The following ERBB4 variants were observed in gnomAD, a reference collection of about 807,000 sequenced individuals.
ERBB4 encodes receptor tyrosine-protein kinase erbB-4.
In ERBB4, 42 loss-of-function variants were observed where a neutral mutation model predicts 158.0. The ratio of observed to expected loss-of-function variants is 0.27; its 90% CI spans 0.21 to 0.34. The LOEUF is 0.34. ERBB4 is among the 10% of genes least tolerant of loss of function. ERBB4 has a pLI of 1.00. For synonymous variants in ERBB4, 583 were observed against 558.7 expected, an observed-to-expected ratio of 1.04 and a Z score of -0.61; for missense variants, 1,333 against 1,624.1, an observed-to-expected ratio of 0.82 and a Z score of 3.08.
At chr2:212,154,395 A>T (rs2080970106) in intron 1 of ERBB4, among the ~76,000 whole-genome samples, 1 of 151,756 alleles carries the variant, frequency 6.6e-6, no homozygotes, top group Admixed American at 6.6e-5. Context: ...GCACACACAC[A>T]CTGGGGAGGT....
In ERBB4 at chr2:211,657,767, G is replaced by A. The variant is rs2105899844; in HGVS notation, c.1933C>T (p.Pro645Ser). The change falls in exon 16 of 28, where the codon CCA (proline) becomes TCA (serine). Residue 645 changes from proline (P) to serine (S), a missense_variant. Coordinates refer to ENST00000342788, the MANE Select transcript of ERBB4 (RefSeq NM_005235.3). ...GGTAGATGTTACCTAGCATGTTGTG[G>A]TAAAGTGGAATGGCCCGTCCATGGG... ...YYPWTGHSTLPQHARTPLIAA... is the reference protein window; with the variant it reads ...YYPWTGHSTLSQHARTPLIAA... 6.2e-7 allele frequency: 1 copy of A among 1,613,444 alleles called. No individual in the cohort carries two copies. The highest frequency in any genetic ancestry group is 8.5e-7 in the Non-Finnish European group (1 of 1,179,410).
intron 3 of ERBB4, among the ~76,000 whole-genome samples, chr2:211,888,682 G>A (rs1390821552): frequency 6.6e-6 from 1 of 152,046 alleles, no homozygotes; most frequent in African/African-American, 2.4e-5. Flanking sequence ...GCGCAGGCCA[G>A]TGGGTGCGCG....
chr2:211,666,765 A>T (rs943979059), intron 14 of ERBB4, among the ~76,000 whole-genome samples: 1 of 152,118 alleles, frequency 6.6e-6, no homozygotes, highest in African/African-American at 2.4e-5. Context: ...TCTTCCCCTG[A>T]CCCATTTCTC....
chr2:211,793,213 C>T (rs918242089), intron 3 of ERBB4, among the ~76,000 whole-genome samples: 1 of 151,712 alleles, frequency 6.6e-6, no homozygotes, highest in African/African-American at 2.4e-5. Context: ...TCACTTTAGT[C>T]TATATGATCG....
chr2:212,440,583 A>G (rs2092233344), intron 1 of ERBB4, among the ~76,000 whole-genome samples: 2 of 152,182 alleles, frequency 1.3e-5, no homozygotes, highest in Middle Eastern at 3.2e-3. Flanking sequence ...GGAGGAACAG[A>G]ATATTAAGGA....
chr2:211,955,133 C>T (rs956777870), intron 2 of ERBB4, among the ~76,000 whole-genome samples: 2 of 152,056 alleles, frequency 1.3e-5, no homozygotes, highest in Admixed American at 1.3e-4. Flanking sequence ...TGAAATAATA[C>T]TCAAGAGGTA....
At chr2:211,551,457 T>C (rs1277523373) in intron 20 of ERBB4, among the ~76,000 whole-genome samples, 1 of 152,220 alleles carries the variant, frequency 6.6e-6, no homozygotes, top group Non-Finnish European at 1.5e-5. Context: ...TTAATATTTA[T>C]CTTTTATCGT....
Position 211,712,255 on chromosome 2 carries a change from TAGC to T in ERBB4, c.998-82_998-80del, listed in dbSNP as rs1484366242. 1.6e-5 allele frequency: 22 copies of T among 1,353,562 alleles called. No individual in the cohort carries two copies. In the African/African-American group the frequency reaches 2.5e-4, roughly 15 times the overall value. The allele number at this position is 1,353,562 out of a possible 1,614,324, so 83.8% of individuals were successfully genotyped here. A position where few individuals can be genotyped will look rare whatever the true frequency, so the allele number is the denominator to read the frequency against. On this transcript the variant is annotated intron_variant, in intron 8 of 27. Transcript: ENST00000342788. ...AAATCATTGCATCTTCATTATAAAA[TAGC>T]AGAGTATTTTTAATTGTAACATATA...
At chr2:211,625,221 T>C (rs778878264) in intron 17 of ERBB4, among the ~76,000 whole-genome samples, 34 of 152,212 alleles carry the variant, frequency 2.2e-4, no homozygotes, top group Non-Finnish European at 3.7e-4. Context: ...ATTAAGGAAC[T>C]AAACTTTACA....
chr2:211,583,111 T>C (rs1360288777), intron 19 of ERBB4, among the ~76,000 whole-genome samples: 3 of 152,134 alleles, frequency 2.0e-5, no homozygotes, highest in African/African-American at 7.2e-5. Context: ...CTACAGATCT[T>C]CTGGTTAAAA....
At chr2:211,401,174 CCA>C (rs1371108879) in intron 25 of ERBB4, among the ~76,000 whole-genome samples, 1 of 151,770 alleles carries the variant, frequency 6.6e-6, no homozygotes, top group Non-Finnish European at 1.5e-5. Flanking sequence ...CACCACTTAG[CCA>C]CAGAAAGGTG....
intron 20 of ERBB4, among the ~76,000 whole-genome samples, chr2:211,541,405 T>A (rs762369787): frequency 6.6e-5 from 10 of 152,016 alleles, no homozygotes; most frequent in Non-Finnish European, 1.5e-4. Context: ...TTAATAGTAC[T>A]ATTTGTTTCA....
chr2:212,401,164 T>C (rs191485882), intron 1 of ERBB4, among the ~76,000 whole-genome samples: 1 of 152,292 alleles, frequency 6.6e-6, no homozygotes, highest in Admixed American at 6.5e-5. Context: ...TCAGAACACA[T>C]GGATCCAGCA....
chr2:211,822,077 T>C (rs920241523), intron 3 of ERBB4, among the ~76,000 whole-genome samples: 3 of 151,868 alleles, frequency 2.0e-5, no homozygotes, highest in African/African-American at 7.2e-5. Context: ...ATGATCTCAC[T>C]AGTGGAAGCT....
At chr2:212,106,480 A>C (rs1266959434) in intron 2 of ERBB4, among the ~76,000 whole-genome samples, 1 of 152,232 alleles carries the variant, frequency 6.6e-6, no homozygotes. Context: ...TGCTGTTAAA[A>C]GCATTTAGCT....
chr2:211,800,670 A>C (rs552455263), intron 3 of ERBB4, among the ~76,000 whole-genome samples: 2 of 151,686 alleles, frequency 1.3e-5, no homozygotes, highest in Non-Finnish European at 2.9e-5. Context: ...AAAAAAAAAA[A>C]AAAAAAAAAA....
At chr2:212,322,028 A>G (rs1462537200) in intron 1 of ERBB4, among the ~76,000 whole-genome samples, 1 of 150,624 alleles carries the variant, frequency 6.6e-6, no homozygotes, top group African/African-American at 2.4e-5. Flanking sequence ...TAGATTTCAC[A>G]GAGTGGATAC....
intron 19 of ERBB4, among the ~76,000 whole-genome samples, chr2:211,611,864 G>T (rs2069212621): frequency 6.6e-6 from 1 of 151,904 alleles, no homozygotes; most frequent in Non-Finnish European, 1.5e-5. Context: ...ACACTAACAG[G>T]CAAGCACTCA....
intron 3 of ERBB4, among the ~76,000 whole-genome samples, chr2:211,937,179 G>A (rs947159577): frequency 6.6e-6 from 1 of 152,088 alleles, no homozygotes; most frequent in African/African-American, 2.4e-5. Context: ...TTTAGAAAGT[G>A]TGGACTACAA....
Sources: gnomAD v4.1 joint callset for allele counts (sites outside exome capture counted in the v4.1 genomes callset) on GRCh38, gnomAD v4.1.1 for gene constraint, MANE v1.5 for transcripts, NCBI Gene and HGNC (gene_info 2026-07-23, HGNC 2026-07-21) for gene names.